XPR1: variants seen among roughly 807,000 people sequenced by gnomAD.
The protein encoded by XPR1 is xenotropic and polytropic retrovirus receptor 1, also known as solute carrier family 53 member 1.
Under a neutral mutation model 87.5 loss-of-function variants are expected in XPR1, and 28 were observed. The observed-to-expected ratio is 0.32, with a 90% CI of 0.24 to 0.44. The LOEUF (loss-of-function observed/expected upper bound fraction) is 0.44. XPR1 is among the 20% of genes least tolerant of loss of function. The pLI, the probability that XPR1 is intolerant of heterozygous loss-of-function variation, is 1.00. For synonymous variants in XPR1, 300 were observed against 306.1 expected (o/e 0.98, Z 0.21); for missense variants, 559 against 862.3 (o/e 0.65, Z 4.41).
chr1:180,736,810 A>C lies in XPR1; in HGVS notation c.122-50943A>C, dbSNP rs56838822. ...GGAGACCAAAAAGAGATGAGACATT[A>C]TGTGTTCAACAGTGAGCAGGTATAC... On this transcript the variant is annotated intron_variant, in intron 2 of 14. Coordinates refer to ENST00000367590, the MANE Select transcript of XPR1 (RefSeq NM_004736.4). Among the ~76,000 whole-genome samples, 4 of 152,230 alleles carry C rather than the reference A, an allele frequency of 2.6e-5. No individual in the cohort carries two copies. In the East Asian group the frequency reaches 7.7e-4, roughly 29 times the overall value.
chr1:180,781,673 T>TTTA (rs1442448333), intron 2 of XPR1, among the ~76,000 whole-genome samples: 1 of 151,836 alleles, frequency 6.6e-6, no homozygotes, highest in Non-Finnish European at 1.5e-5. Flanking sequence ...TTTTTAAAAT[T>TTTA]TTATTATTAT....
intron 2 of XPR1, among the ~76,000 whole-genome samples, chr1:180,740,413 T>C (rs1333530357): frequency 6.6e-6 from 1 of 152,002 alleles, no homozygotes; most frequent in Non-Finnish European, 1.5e-5. Flanking sequence ...ATGCGTCAAA[T>C]CATATGACCA....
In XPR1 at chr1:180,888,437, G is replaced by A. The variant is rs1653085000; in HGVS notation, c.*4371G>A. The A allele has an allele frequency of 1.2e-5, 1 of 84,642 alleles. No homozygotes were observed. The highest frequency in any genetic ancestry group is 2.9e-5 in the Non-Finnish European group (1 of 34,464). 5.2% of individuals were successfully genotyped at this position (84,642 alleles called of 1,614,324 possible). A position where few individuals can be genotyped will look rare whatever the true frequency, so the allele number is the denominator to read the frequency against. On this transcript the variant is annotated 3_prime_UTR_variant, in exon 15 of 15. Transcript: ENST00000367590. ...TTTAAAATTGAGATAGCTTCTGAGA[G>A]AAAAAAAGAAAGTTGAATTTGTAGC... is the stretch of plus-strand genomic sequence containing the variant.
At chr1:180,726,319 T>C (rs887464600) in intron 2 of XPR1, among the ~76,000 whole-genome samples, 3 of 152,220 alleles carry the variant, frequency 2.0e-5, no homozygotes, top group African/African-American at 7.2e-5. Flanking sequence ...CGCAACCTGC[T>C]TGGGTCCCCT....
chr1:180,689,367 T>C (rs1488472544), intron 2 of XPR1, among the ~76,000 whole-genome samples: 1 of 152,198 alleles, frequency 6.6e-6, no homozygotes, highest in South Asian at 2.1e-4. Context: ...GTGTCTCTAT[T>C]TTTAAAAGAT....
chr1:180,741,966 T>G (rs1192836525), intron 2 of XPR1, among the ~76,000 whole-genome samples: 1 of 152,188 alleles, frequency 6.6e-6, no homozygotes, highest in Non-Finnish European at 1.5e-5. Flanking sequence ...TATCCTTGAA[T>G]GTCTGCAATG....
In XPR1 at chr1:180,817,636, G is replaced by T. The variant is rs143233211; in HGVS notation, c.763+6148G>T. On this transcript the variant is annotated intron_variant, in intron 7 of 14. Coordinates refer to ENST00000367590, the MANE Select transcript of XPR1 (RefSeq NM_004736.4). ...ATAGGCTCACATAACTGTAAGTAATGAGAATAACAAACTGTAGCTACATAC... is the reference window on the plus strand; with the variant it reads ...ATAGGCTCACATAACTGTAAGTAATTAGAATAACAAACTGTAGCTACATAC... Among the ~76,000 whole-genome samples, 4 of 152,068 alleles carry T rather than the reference G, an allele frequency of 2.6e-5. No individual in the cohort carries two copies. In the East Asian group the frequency reaches 7.7e-4, roughly 29 times the overall value.
At chr1:180,859,747 A>G (rs1395499961) in intron 11 of XPR1, among the ~76,000 whole-genome samples, 2 of 152,162 alleles carry the variant, frequency 1.3e-5, no homozygotes, top group Admixed American at 6.5e-5. Context: ...GTCCTCATGT[A>G]TGTTTCATAG....
rs67209110 is a variant in XPR1, at chr1:180,836,356, CA to C, written c.1307-154del. Among the ~76,000 whole-genome samples the C allele has an allele frequency of 0.28, 39,249 of 140,670 alleles. 5,445 individuals are homozygous for C. Among genetic ancestry groups the C allele is most frequent in the East Asian group, 0.55 (2,720 of 4,922 alleles). The allele number at this position is 140,670 out of a possible 152,430, so 92.3% of individuals were successfully genotyped here. On this transcript the variant is annotated intron_variant, in intron 10 of 14. Transcript: ENST00000367590. Reference sequence around the variant, plus strand: ...TGGACCACAGAGCGAGACTCAGTCTCAAAAAAAAAAAAGAAAATCTTGAGAA... The same window carrying C: ...TGGACCACAGAGCGAGACTCAGTCTCAAAAAAAAAAAGAAAATCTTGAGAA...
intron 11 of XPR1, among the ~76,000 whole-genome samples, chr1:180,840,739 A>T (rs1203091831): frequency 6.6e-6 from 1 of 151,964 alleles, no homozygotes; most frequent in Non-Finnish European, 1.5e-5. Context: ...CATATCACTA[A>T]AATTTTTAAC....
chr1:180,823,267 T>C (rs1484100165), intron 7 of XPR1, among the ~76,000 whole-genome samples: 2 of 152,040 alleles, frequency 1.3e-5, no homozygotes, highest in Non-Finnish European at 2.9e-5. Context: ...AGTTTGTATG[T>C]AATTAAATTC....
At chr1:180,820,699 T>G (rs1231839926) in intron 7 of XPR1, among the ~76,000 whole-genome samples, 2 of 152,220 alleles carry the variant, frequency 1.3e-5, no homozygotes, top group East Asian at 3.8e-4. Flanking sequence ...AGGATTCTGT[T>G]TTCTGCACAT....
chr1:180,657,235 T>C (rs1354014678), intron 1 of XPR1, among the ~76,000 whole-genome samples: 1 of 152,168 alleles, frequency 6.6e-6, no homozygotes, highest in South Asian at 2.1e-4. Context: ...TTTTTCCCAT[T>C]CTGTGGGATG....
chr1:180,650,139 T>A (rs1386930814), intron 1 of XPR1, among the ~76,000 whole-genome samples: 1 of 152,150 alleles, frequency 6.6e-6, no homozygotes, highest in African/African-American at 2.4e-5. Flanking sequence ...AAAAAAAAAT[T>A]CCTCGATTGT....
chr1:180,761,610 G>C (rs1268680365), intron 2 of XPR1, among the ~76,000 whole-genome samples: 1 of 152,190 alleles, frequency 6.6e-6, no homozygotes, highest in Non-Finnish European at 1.5e-5. Context: ...TCATTAAAAA[G>C]TCAGGAAACA....
chr1:180,781,734 A>G (rs1235905108), intron 2 of XPR1, among the ~76,000 whole-genome samples: 1 of 151,806 alleles, frequency 6.6e-6, no homozygotes, highest in East Asian at 1.9e-4. Context: ...CTTGTTACAT[A>G]TGTATACATG....
intron 2 of XPR1, among the ~76,000 whole-genome samples, chr1:180,742,103 C>A (rs1047071654): frequency 6.6e-6 from 1 of 151,834 alleles, no homozygotes; most frequent in South Asian, 2.1e-4. Context: ...TTCTAAAGAG[C>A]CATCTTTTGA....
chr1:180,662,138 A>G (rs1309264282), intron 1 of XPR1, among the ~76,000 whole-genome samples: 1 of 152,142 alleles, frequency 6.6e-6, no homozygotes, highest in African/African-American at 2.4e-5. Context: ...GTGTTATAAT[A>G]GTCTGTGTAC....
In XPR1 at chr1:180,835,022, G is replaced by A. The variant is rs757269511; in HGVS notation, c.1283G>A (p.Gly428Asp). 1 of 1,613,878 alleles carries A rather than the reference G, an allele frequency of 6.2e-7. No individual in the cohort carries two copies. The highest frequency in any genetic ancestry group is 8.5e-7 in the Non-Finnish European group (1 of 1,179,898). Reference protein sequence around the residue: ...SLELKWDESKGLLPNNSEESG... With the variant: ...SLELKWDESKDLLPNNSEESG... ...GAGCTCAAATGGGATGAAAGTAAGG[G>A]CCTGTTGCCAAATAATTCAGAAGGT... Residue 428 changes from glycine to aspartate, a missense_variant, in exon 10 of 15, where the codon GGC becomes GAC. Transcript: ENST00000367590.
Sources: gnomAD v4.1 joint callset for allele counts (sites outside exome capture counted in the v4.1 genomes callset) on GRCh38, gnomAD v4.1.1 for gene constraint, MANE v1.5 for transcripts, NCBI Gene and HGNC (gene_info 2026-07-23, HGNC 2026-07-21) for gene names.